Variants in CCDC47 observed in about 807,000 individuals in gnomAD.
CCDC47 encodes the protein coiled-coil domain containing 47.
CCDC47 carries 41 observed loss-of-function variants against 60.5 expected under a neutral mutation model. The ratio of observed to expected loss-of-function variants is 0.68; its 90% CI spans 0.53 to 0.88. The LOEUF is 0.88. CCDC47 is among the 40% of genes least tolerant of loss of function. CCDC47 has a pLI of 0.00. For missense variants in CCDC47, 513 were observed against 580.9 expected (o/e 0.88, Z 1.20); for synonymous variants, 195 against 190.7 (o/e 1.02, Z -0.18).
rs59161342 is a variant in CCDC47, at chr17:63,751,365, C to CAAAAAAAAAAAAAAAAAAAA, written c.1371+555_1371+574dup. Reference sequence around the variant, plus strand: ...TGGGTGACAGAGTGAGACTCCATCTCAAAAAAAAAAAAAAAAAAAAAAAAA... The same window carrying CAAAAAAAAAAAAAAAAAAAA: ...TGGGTGACAGAGTGAGACTCCATCTCAAAAAAAAAAAAAAAAAAAAAAAAAAAAAAAAAAAAAAAAAAAAA... On this transcript the variant is annotated intron_variant, in intron 12 of 12. Transcript: ENST00000225726. 7.8e-4 allele frequency among the ~76,000 whole-genome samples: 23 copies of CAAAAAAAAAAAAAAAAAAAA among 29,512 alleles called. 3 individuals are homozygous for CAAAAAAAAAAAAAAAAAAAA. Among genetic ancestry groups the CAAAAAAAAAAAAAAAAAAAA allele is most frequent in the East Asian group, 2.1e-3 (1 of 470 alleles). 19.4% of individuals were successfully genotyped at this position (29,512 alleles called of 152,430 possible).
At chr17:63,771,032 G>GAAA (rs1364409024) in intron 1 of CCDC47, among the ~76,000 whole-genome samples, 17 of 131,130 alleles carry the variant, frequency 1.3e-4, no homozygotes, top group African/African-American at 4.9e-4. Context: ...AAGGAAGGAA[G>GAAA]GAAGGAAGGA....
chr17:63,773,192 C>T (rs768859751), intron 1 of CCDC47, among the ~76,000 whole-genome samples: 1 of 152,232 alleles, frequency 6.6e-6, no homozygotes, highest in Non-Finnish European at 1.5e-5. Flanking sequence ...TTTCTCCCCA[C>T]CCAAGAGAAT....
chr17:63,755,362 G>C (rs2039197486), intron 8 of CCDC47: 2 of 943,666 alleles, frequency 2.1e-6, no homozygotes, highest in African/African-American at 1.8e-5. Context: ...GCTCATGCCT[G>C]TAATCCAAGC....
In CCDC47 at chr17:63,760,987, A is replaced by G; in HGVS notation, c.670-8T>C. On this transcript the variant is annotated splice_region_variant and splice_polypyrimidine_tract_variant and intron_variant, in intron 5 of 12. Transcript: ENST00000225726. ...GTCTTGTCTCTTGAGGAACTGAAAA[A>G]AATGAGAGAAGTAAGTAAATCCAAC... is the stretch of plus-strand genomic sequence containing the variant. The G allele has an allele frequency of 6.2e-7, 1 of 1,612,422 alleles. No individual in the cohort carries two copies. Among genetic ancestry groups the G allele is most frequent in the Admixed American group, 1.7e-5 (1 of 59,952 alleles).
chr17:63,760,107 T>G (rs776390413), intron 6 of CCDC47, among the ~76,000 whole-genome samples: 3 of 151,066 alleles, frequency 2.0e-5, no homozygotes, highest in Middle Eastern at 3.2e-3. Flanking sequence ...GAATGTGGTA[T>G]TTGTGACAAA....
rs1359643117 is a variant in CCDC47, at chr17:63,754,323, C to A, written c.1034+110G>T. The A allele has an allele frequency of 1.6e-5, 11 of 698,136 alleles. No individual in the cohort carries two copies. In the East Asian group the frequency reaches 3.1e-4, roughly 20 times the overall value. 43.2% of individuals were successfully genotyped at this position (698,136 alleles called of 1,614,324 possible). A position where few individuals can be genotyped will look rare whatever the true frequency, so the allele number is the denominator to read the frequency against. On this transcript the variant is annotated intron_variant, in intron 9 of 12. Coordinates refer to ENST00000225726, the MANE Select transcript of CCDC47 (RefSeq NM_020198.3). ...AAAGGAAAATGTGGAGGCCTGTCAC[C>A]AACTTCCTTCACACATTTGGTAAGG...
At position 63,757,662 on chromosome 17, in the gene CCDC47, A is replaced by G. The variant is rs536716741; in HGVS notation, c.736-1092T>C. On this transcript the variant is annotated intron_variant, in intron 6 of 12. Coordinates refer to ENST00000225726, the MANE Select transcript of CCDC47 (RefSeq NM_020198.3). ...GAATACACTCAATACTTCACACAGG[A>G]GCACTCAAGTCCAAAAATAAAAAAT... Among the ~76,000 whole-genome samples, 6 of 152,338 alleles carry G rather than the reference A, an allele frequency of 3.9e-5. No homozygotes were observed. In the South Asian group the frequency reaches 8.3e-4, roughly 21 times the overall value.
intron 12 of CCDC47, among the ~76,000 whole-genome samples, chr17:63,749,738 ACT>A (rs1304906455): frequency 1.3e-5 from 2 of 150,232 alleles, no homozygotes; most frequent in East Asian, 3.9e-4. Context: ...AAAGAGCGAG[ACT>A]CTGTCTCAAA....
At position 63,766,170 on chromosome 17, in the gene CCDC47, T is replaced by G. The variant is rs745322506; in HGVS notation, c.6A>C (p.Lys2Asn). 6.2e-7 allele frequency: 1 copy of G among 1,607,970 alleles called. No individual in the cohort carries two copies. Among genetic ancestry groups the G allele is most frequent in the Non-Finnish European group, 8.5e-7 (1 of 1,177,948 alleles). Residue 2 changes from lysine (K) to asparagine (N), a missense_variant, in exon 2 of 13, where the codon AAA becomes AAC. Physicochemically the swap from Lys to Asn is moderately conservative, Grantham distance 94. Transcript: ENST00000225726. M[K>N]AFHTFCVVLL... is the part of the protein sequence containing the mutation. ...GGACAACACAGAAAGTGTGGAAGGC[T>G]TTCATTGCACCTTGAGAAAAAAAGC...
In CCDC47 at chr17:63,766,794, AT is replaced by A. The variant is rs909104019; in HGVS notation, c.-19-601del. 16 of 968,622 alleles carry A rather than the reference AT, an allele frequency of 1.7e-5. No individual in the cohort carries two copies. In the African/African-American group the frequency reaches 2.5e-4, roughly 15 times the overall value. 60.0% of individuals were successfully genotyped at this position (968,622 alleles called of 1,614,324 possible). ...CATTTACATAGAGTATTCAATAAGC[AT>A]TTTTTGAGGGCCTATTAAAAAGCTT... On this transcript the variant is annotated intron_variant, in intron 1 of 12. Coordinates refer to ENST00000225726, the MANE Select transcript of CCDC47 (RefSeq NM_020198.3).
intron 4 of CCDC47, chr17:63,761,743 C>T (rs1191424218): frequency 8.7e-6 from 7 of 806,596 alleles, no homozygotes; most frequent in African/African-American, 1.9e-5. Flanking sequence ...GTTCCTCTAC[C>T]CTGACCACAA....
intron 6 of CCDC47, among the ~76,000 whole-genome samples, chr17:63,758,442 G>A (rs1332000077): frequency 6.6e-6 from 1 of 152,118 alleles, no homozygotes; most frequent in East Asian, 1.9e-4. Flanking sequence ...GGGAGGCCCA[G>A]GTGAGAGGAT....
intron 12 of CCDC47, among the ~76,000 whole-genome samples, chr17:63,748,669 G>C (rs1454422463): frequency 6.6e-6 from 1 of 152,152 alleles, no homozygotes; most frequent in Non-Finnish European, 1.5e-5. Context: ...TCATGTATAA[G>C]AAATATTGGC....
intron 9 of CCDC47, chr17:63,753,121 C>T (rs1056772127): frequency 2.6e-6 from 1 of 389,170 alleles, no homozygotes. Flanking sequence ...ATTTTAGATA[C>T]ATTTTTGCTT....
intron 6 of CCDC47, among the ~76,000 whole-genome samples, chr17:63,758,230 T>C (rs553432433): frequency 6.6e-6 from 1 of 152,360 alleles, no homozygotes; most frequent in South Asian, 2.1e-4. Flanking sequence ...GGGGAGGTCA[T>C]AGGAACCCGA....
intron 1 of CCDC47, chr17:63,766,953 A>G: frequency 2.0e-6 from 2 of 984,314 alleles, no homozygotes; most frequent in South Asian, 9.4e-5. Flanking sequence ...GCATGAACAT[A>G]ATTATCATAA....
At chr17:63,754,711 T>C (rs2039192053) in intron 8 of CCDC47, among the ~76,000 whole-genome samples, 193 bp from the exon 9 acceptor site, 2 of 151,718 alleles carry the variant, frequency 1.3e-5, no homozygotes, top group African/African-American at 2.4e-5. Flanking sequence ...TGAAACACCG[T>C]CTCTACTAAA....
At chr17:63,768,419 G>A (rs1362476170) in intron 1 of CCDC47, among the ~76,000 whole-genome samples, 1 of 148,324 alleles carries the variant, frequency 6.7e-6, no homozygotes, top group Non-Finnish European at 1.5e-5. Context: ...ATAGGGTGGT[G>A]GCTCTCCCCT....
chr17:63,748,313 A>C (rs1228449430), intron 12 of CCDC47, among the ~76,000 whole-genome samples: 2 of 152,086 alleles, frequency 1.3e-5, no homozygotes, highest in Non-Finnish European at 2.9e-5. Context: ...GGGTTTCACC[A>C]TATTGGCCAG....
Sources: allele counts gnomAD v4.1 joint callset (sites outside exome capture counted in the v4.1 genomes callset), GRCh38; gene constraint gnomAD v4.1.1; transcripts MANE v1.5; gene names NCBI Gene and HGNC (gene_info 2026-07-23, HGNC 2026-07-21).